Variants in RHEX observed in about 807,000 individuals in gnomAD.
The protein encoded by RHEX is regulator of hemoglobinization and erythroid cell expansion, also known as regulator of hemoglobinization and erythroid cell expansion protein.
In RHEX, 18 loss-of-function variants were observed where a neutral mutation model predicts 20.1. That is an observed-to-expected ratio of 0.90 (90% CI 0.62 to 1.33). The LOEUF (loss-of-function observed/expected upper bound fraction) is 1.33. RHEX is among the 40% of genes most tolerant of loss of function. The pLI is 0.00. For synonymous variants in RHEX, 87 were observed against 77.1 expected (o/e 1.13, Z -0.67); for missense variants, 192 against 214.3 (o/e 0.90, Z 0.65).
At chr1:206,085,592 A>G (rs181614626) in intron 1 of RHEX, among the ~76,000 whole-genome samples, 198 of 152,324 alleles carry the variant, frequency 1.3e-3, no homozygotes, top group African/African-American at 4.7e-3. Context: ...CCCCAAAATT[A>G]CTAATTAGAA....
In RHEX at chr1:206,097,780, G is replaced by A. The variant is rs1553287868; in HGVS notation, c.-49G>A. 1.2e-6 allele frequency: 2 copies of A among 1,614,064 alleles called. No individual in the cohort carries two copies. Among genetic ancestry groups the A allele is most frequent in the Non-Finnish European group, 1.7e-6 (2 of 1,180,024 alleles). On this transcript the variant is annotated 5_prime_UTR_variant, in exon 2 of 6. In the 5' UTR this introduces an upstream ATG that the reference lacks. Transcript: ENST00000331555. ...CACTACTGAGAGACGAGGTGCCAGG[G>A]TGGTTCCTGAAAGTGCCTGAGCCCC...
chr1:206,101,237 G>A (rs782231904), intron 5 of RHEX, 40 bp downstream of exon 5: 60 of 1,508,734 alleles, frequency 4.0e-5, no homozygotes, highest in Middle Eastern at 1.7e-4. Flanking sequence ...AACATATGCA[G>A]TCTGGGGATC....
intron 4 of RHEX, 109 bp from the exon 5 acceptor site, chr1:206,101,027 G>T: frequency 1.2e-6 from 1 of 801,618 alleles, no homozygotes. Context: ...TGCTGGCTCT[G>T]CCTCTGTCTT....
intron 1 of RHEX, among the ~76,000 whole-genome samples, chr1:206,085,199 T>A (rs1018752095): frequency 6.6e-6 from 1 of 152,192 alleles, no homozygotes; most frequent in African/African-American, 2.4e-5. Context: ...ATTTATTATA[T>A]GCAAATTGAT....
At chr1:206,090,542 T>C (rs1303947161) in intron 1 of RHEX, among the ~76,000 whole-genome samples, 5 of 152,106 alleles carry the variant, frequency 3.3e-5, no homozygotes, top group Non-Finnish European at 7.4e-5. Flanking sequence ...TCCACTCTTT[T>C]TGATTGTTCT....
chr1:206,087,040 T>C (rs1367252389), intron 1 of RHEX, among the ~76,000 whole-genome samples: 1 of 151,992 alleles, frequency 6.6e-6, no homozygotes, highest in Non-Finnish European at 1.5e-5. Flanking sequence ...ACAGATGTCA[T>C]CCCCATTTTA....
Position 206,100,162 on chromosome 1 carries a change from G to A in RHEX, c.256+364G>A, listed in dbSNP as rs1241270137. Among the ~76,000 whole-genome samples, 5 of 152,302 alleles carry A rather than the reference G, an allele frequency of 3.3e-5. 1 individual carries two copies. The highest frequency in any genetic ancestry group is 1.3e-4 in the Admixed American group (2 of 15,302). On this transcript the variant is annotated intron_variant, in intron 4 of 5. Coordinates refer to ENST00000331555, the MANE Select transcript of RHEX (RefSeq NM_001007544.4). ...TCACCTGCCTCTGCCTGCCTCCACC[G>A]TGGCTGCTGCTATGTCAGTGTTATT...
intron 1 of RHEX, among the ~76,000 whole-genome samples, chr1:206,077,512 C>T (rs114284824): frequency 0.018 from 2,688 of 152,280 alleles, 72 homozygotes; most frequent in African/African-American, 0.06. Context: ...TGGCTCACAT[C>T]TGTAATCCCA....
rs782764893 is a variant in RHEX, at chr1:206,098,091, GTC to G, written c.24_25del (p.Trp9AlafsTer33). 11 of 1,613,652 alleles carry G rather than the reference GTC, an allele frequency of 6.8e-6. No homozygotes were observed. In the Admixed American group the frequency reaches 1.8e-4, roughly 27 times the overall value. ...TTTCTTTCCCAACAGAGTCATGGAG[GTC>G]TGGCATGGCTTAGTGATCGCGGTGG... The part of the protein sequence containing the change: MLTEVME[V>X]WHGLVIAVVS... On this transcript the variant is annotated frameshift_variant, in exon 3 of 6. Coordinates refer to ENST00000331555, the MANE Select transcript of RHEX (RefSeq NM_001007544.4). LOFTEE classifies it high-confidence loss of function.
intron 1 of RHEX, among the ~76,000 whole-genome samples, chr1:206,069,586 C>T (rs553615609): frequency 1.3e-5 from 2 of 152,296 alleles, no homozygotes; most frequent in African/African-American, 4.8e-5. Flanking sequence ...TTTCAGGTTC[C>T]AGGAAAGCCC....
At chr1:206,069,187 G>A (rs369954271) in intron 1 of RHEX, among the ~76,000 whole-genome samples, 7 of 152,222 alleles carry the variant, frequency 4.6e-5, no homozygotes, top group African/African-American at 1.4e-4. Flanking sequence ...TCCTAAAGAC[G>A]TGTTTTGATT....
intron 1 of RHEX, among the ~76,000 whole-genome samples, chr1:206,093,969 G>A (rs923555680): frequency 6.6e-6 from 1 of 152,036 alleles, no homozygotes; most frequent in Non-Finnish European, 1.5e-5. Flanking sequence ...ATGAGCCACC[G>A]TGCCCAGCCT....
chr1:206,092,070 C>CTCTT (rs371636212), intron 1 of RHEX, among the ~76,000 whole-genome samples: 1 of 151,442 alleles, frequency 6.6e-6, no homozygotes, highest in African/African-American at 2.4e-5. Context: ...CTCTTTCTCT[C>CTCTT]TCTTTCTTTC....
At chr1:206,064,283 G>A (rs1553283818) in intron 1 of RHEX, among the ~76,000 whole-genome samples, 2 of 141,106 alleles carry the variant, frequency 1.4e-5, no homozygotes, top group African/African-American at 2.8e-5. Context: ...CCCCCCGCCC[G>A]GCCAGCCGCC....
Position 206,098,178 on chromosome 1 carries a change from A to G in RHEX, c.109A>G (p.Met37Val), listed in dbSNP as rs782035298. Reference protein sequence around the residue: ...TAINYLLSRHMAHKSEQILKA... With the variant: ...TAINYLLSRHVAHKSEQILKA... The stretch of plus-strand genomic sequence containing the variant: ...CATCAACTACCTGCTCAGCAGGCAC[A>G]TGGGTAACTGGCTCAGCATCCTCTT... The change falls in exon 3 of 6, where the codon ATG becomes GTG. Residue 37 changes from methionine (M) to valine (V), a missense_variant. Transcript: ENST00000331555. The G allele has an allele frequency of 3.1e-6, 5 of 1,607,302 alleles. No homozygotes were observed. The highest frequency in any genetic ancestry group is 1.1e-5 in the South Asian group (1 of 90,936).
chr1:206,061,911 TA>T (rs782247935), intron 1 of RHEX: 2,445 of 145,412 alleles, frequency 0.017, 23 homozygotes, highest in African/African-American at 0.038. Context: ...TGTGTGTGTT[TA>T]AAAAAAAAAA....
chr1:206,090,570 A>C (rs1010054666), intron 1 of RHEX, among the ~76,000 whole-genome samples: 4 of 152,078 alleles, frequency 2.6e-5, no homozygotes, highest in African/African-American at 9.7e-5. Context: ...TCCCAGATAC[A>C]TTTTAGAGTA....
intron 1 of RHEX, among the ~76,000 whole-genome samples, chr1:206,072,472 A>G (rs1196046768): frequency 1.3e-5 from 2 of 152,136 alleles, no homozygotes; most frequent in Non-Finnish European, 2.9e-5. Context: ...GCTACTCGGG[A>G]GGCTGAGGCA....
chr1:206,101,656 G>T, intron 5 of RHEX, 96 bp from the exon 6 acceptor site: 1 of 941,010 alleles, frequency 1.1e-6, no homozygotes, highest in African/African-American at 1.7e-5. Flanking sequence ...ACCAAGCCAT[G>T]GGCGAATCTT....
Sources: gnomAD v4.1 joint callset for allele counts (sites outside exome capture counted in the v4.1 genomes callset) on GRCh38, gnomAD v4.1.1 for gene constraint, MANE v1.5 for transcripts, NCBI Gene and HGNC (gene_info 2026-07-23, HGNC 2026-07-21) for gene names.